Variants in CHST12 observed in about 807,000 individuals in gnomAD.
CHST12 encodes the protein carbohydrate sulfotransferase 12.
A neutral mutation model predicts 27.9 loss-of-function variants in CHST12; 23 were observed. That is an observed-to-expected ratio of 0.82 (90% CI 0.59 to 1.17). The LOEUF is 1.17. Ranked by LOEUF, CHST12 falls within the 50% of genes most tolerant of loss-of-function variation. The pLI is 0.00. For synonymous variants in CHST12, 322 were observed against 273.0 expected, an observed-to-expected ratio of 1.18 and a Z score of -1.77; for missense variants, 682 against 603.0, an observed-to-expected ratio of 1.13 and a Z score of -1.37.
At chr7:2,404,885 G>C (rs1781482845) in intron 1 of CHST12, among the ~76,000 whole-genome samples, 1 of 152,258 alleles carries the variant, frequency 6.6e-6, no homozygotes. Flanking sequence ...AAGATGCTAA[G>C]CTGGGGTAGA....
chr7:2,440,206 C>G lies in CHST12; in HGVS notation c.*6322C>G, dbSNP rs1349506361. 6.5e-6 allele frequency: 1 copy of G among 154,202 alleles called. No individual in the cohort carries two copies. The highest frequency in any genetic ancestry group is 1.5e-5 in the Non-Finnish European group (1 of 68,070). 9.6% of individuals were successfully genotyped at this position (154,202 alleles called of 1,614,324 possible). A position where few individuals can be genotyped will look rare whatever the true frequency, so the allele number is the denominator to read the frequency against. ...GAGAGCATTTGCTCACTGTAATGGT[C>G]CCGTCACACTTGTCTGATGAGGATC... On this transcript the variant is annotated 3_prime_UTR_variant, in exon 2 of 2. Coordinates refer to ENST00000618655, the MANE Select transcript of CHST12 (RefSeq NM_018641.5).
intron 1 of CHST12, among the ~76,000 whole-genome samples, 173 bp downstream of exon 1, chr7:2,403,846 G>T (rs891182817): frequency 1.3e-5 from 2 of 151,860 alleles, no homozygotes; most frequent in African/African-American, 4.8e-5. Flanking sequence ...TCCCGCGCCG[G>T]CGCGCAGTGT....
chr7:2,432,660 C>T lies in CHST12; in HGVS notation c.21C>T (p.Phe7=). 1 of 1,609,526 alleles carries T rather than the reference C, an allele frequency of 6.2e-7. No homozygotes were observed. Among genetic ancestry groups the T allele is most frequent in the Non-Finnish European group, 8.5e-7 (1 of 1,176,466 alleles). The part of the protein sequence containing the change: MTKARL[F]RLWLVLGSVF... ...GCAGGATGACCAAGGCCCGGCTGTTCCGGCTGTGGCTGGTGCTGGGGTCGG... is the reference window on the plus strand; with the variant it reads ...GCAGGATGACCAAGGCCCGGCTGTTTCGGCTGTGGCTGGTGCTGGGGTCGG... Residue 7 remains phenylalanine, a synonymous_variant, in exon 2 of 2, where the codon TTC becomes TTT. Coordinates refer to ENST00000618655, the MANE Select transcript of CHST12 (RefSeq NM_018641.5).
rs1382460715 is a variant in CHST12 at position 2,443,421 on chromosome 7, C to T, written c.*9537C>T. ...AGCCTGAAGTGAAACAGTTTCATCC[C>T]AAAAGCATATACCTCTGCCCCATCC... is the stretch of plus-strand genomic sequence containing the variant. On this transcript the variant is annotated 3_prime_UTR_variant, in exon 2 of 2. Coordinates refer to ENST00000618655, the MANE Select transcript of CHST12 (RefSeq NM_018641.5). The T allele has an allele frequency of 6.6e-6, 1 of 152,120 alleles. No homozygotes were observed. Among genetic ancestry groups the T allele is most frequent in the Admixed American group, 6.6e-5 (1 of 15,262 alleles). The allele number at this position is 152,120 out of a possible 1,614,324, so 9.4% of individuals were successfully genotyped here.
chr7:2,412,261 G>A (rs979263177), intron 1 of CHST12, among the ~76,000 whole-genome samples: 14 of 152,190 alleles, frequency 9.2e-5, no homozygotes, highest in African/African-American at 2.2e-4. Flanking sequence ...TGGAGGTACC[G>A]CGTGAAAATG....
At position 2,419,995 on chromosome 7, in the gene CHST12, A is replaced by T. The variant is rs866778641; in HGVS notation, c.-77-12568A>T. On this transcript the variant is annotated intron_variant, in intron 1 of 1. Coordinates refer to ENST00000618655, the MANE Select transcript of CHST12 (RefSeq NM_018641.5). The stretch of plus-strand genomic sequence containing the variant: ...TTTTTTTTTTTTTTTTTTTTTTGAG[A>T]TGGAGTCTCGCTCTGTTGCCCAGGC... 7.8e-4 allele frequency among the ~76,000 whole-genome samples: 65 copies of T among 83,684 alleles called. 1 individual carries two copies. Among genetic ancestry groups the T allele is most frequent in the African/African-American group, 1.7e-3 (40 of 23,636 alleles). 54.9% of individuals were successfully genotyped at this position (83,684 alleles called of 152,430 possible).
chr7:2,411,757 C>T (rs1043354739), intron 1 of CHST12, among the ~76,000 whole-genome samples: 1 of 152,234 alleles, frequency 6.6e-6, no homozygotes, highest in Admixed American at 6.5e-5. Context: ...GCTGGGATTA[C>T]AGGCGTGAGC....
intron 1 of CHST12, among the ~76,000 whole-genome samples, chr7:2,419,857 A>G (rs1781918493): frequency 6.6e-6 from 1 of 151,830 alleles, no homozygotes; most frequent in South Asian, 2.1e-4. Context: ...TCCCCATTGA[A>G]CACAAACTCC....
At position 2,438,919 on chromosome 7, in the gene CHST12, G is replaced by A. The variant is rs1272372029; in HGVS notation, c.*5035G>A. On this transcript the variant is annotated 3_prime_UTR_variant, in exon 2 of 2. Coordinates refer to ENST00000618655, the MANE Select transcript of CHST12 (RefSeq NM_018641.5). ...CTTAGCTGTGAGCCTCTGGGAAGAG[G>A]TTCTGGCAGGTGGAGGGGATGGACG... 6.6e-6 allele frequency: 1 copy of A among 152,330 alleles called. No homozygotes were observed. Among genetic ancestry groups the A allele is most frequent in the Non-Finnish European group, 1.5e-5 (1 of 68,120 alleles). The allele number at this position is 152,330 out of a possible 1,614,324, so 9.4% of individuals were successfully genotyped here.
intron 1 of CHST12, among the ~76,000 whole-genome samples, chr7:2,409,463 A>G (rs1471475221): frequency 1.3e-5 from 2 of 152,018 alleles, no homozygotes; most frequent in African/African-American, 4.8e-5. Flanking sequence ...GAAAATACAA[A>G]AATTAGCCAG....
chr7:2,432,820 A>C lies in CHST12; in HGVS notation c.181A>C (p.Thr61Pro). The C allele has an allele frequency of 6.2e-7, 1 of 1,613,824 alleles. No homozygotes were observed. Among genetic ancestry groups the C allele is most frequent in the Non-Finnish European group, 8.5e-7 (1 of 1,179,872 alleles). Reference protein sequence around the residue: ...TPGPDRDRELTADSDVDEFLD... With the variant: ...TPGPDRDRELPADSDVDEFLD... ...CGGGCCGGACAGGGACAGGGAGCTCACGGCCGACTCCGATGTCGACGAGTT... is the reference window on the plus strand; with the variant it reads ...CGGGCCGGACAGGGACAGGGAGCTCCCGGCCGACTCCGATGTCGACGAGTT... Residue 61 changes from threonine to proline, a missense_variant, in exon 2 of 2, where the codon ACG (threonine) becomes CCG (proline). Transcript: ENST00000618655.
At chr7:2,432,136 C>T (rs1782285250) in intron 1 of CHST12, among the ~76,000 whole-genome samples, 1 of 36,088 alleles carries the variant, frequency 2.8e-5, no homozygotes, top group African/African-American at 9.3e-5. Flanking sequence ...AGCGAGACTC[C>T]ATATCAAAAA....
At position 2,420,118 on chromosome 7, in the gene CHST12, C is replaced by T. The variant is rs567558061; in HGVS notation, c.-77-12445C>T. Among the ~76,000 whole-genome samples the T allele has an allele frequency of 4.0e-5, 6 of 151,840 alleles. No individual in the cohort carries two copies. The Middle Eastern group carries it at 0.01, about 258-fold the overall frequency. ...CCTCCAGAGTAGCTGAGACTACAGG[C>T]GCCCGTCAGCATGCCCGGCTAATTT... On this transcript the variant is annotated intron_variant, in intron 1 of 1. Transcript: ENST00000618655.
intron 1 of CHST12, among the ~76,000 whole-genome samples, chr7:2,425,203 C>CAAAA (rs144902925): frequency 1.4e-5 from 1 of 72,008 alleles, no homozygotes; most frequent in Non-Finnish European, 3.2e-5. Flanking sequence ...GACTCCGTCT[C>CAAAA]AAAAAAAAAA....
chr7:2,436,120 A>G lies in CHST12; in HGVS notation c.*2236A>G, dbSNP rs1782467161. The stretch of plus-strand genomic sequence containing the variant: ...TGAGCCATCACACCTGGCCCCTCCA[A>G]GTTTTTTATTATGATAAAAATGTTT... On this transcript the variant is annotated 3_prime_UTR_variant, in exon 2 of 2. Coordinates refer to ENST00000618655, the MANE Select transcript of CHST12 (RefSeq NM_018641.5). The G allele has an allele frequency of 6.6e-6, 1 of 152,192 alleles. No homozygotes were observed. The highest frequency in any genetic ancestry group is 6.6e-5 in the Admixed American group (1 of 15,262). The allele number at this position is 152,192 out of a possible 1,614,324, so 9.4% of individuals were successfully genotyped here.
intron 1 of CHST12, among the ~76,000 whole-genome samples, chr7:2,406,118 G>A (rs1446808378): frequency 6.6e-6 from 1 of 152,034 alleles, no homozygotes; most frequent in Admixed American, 6.6e-5. Flanking sequence ...TAAAAAAACC[G>A]TACATCTTGA....
In CHST12 at chr7:2,443,500, C is replaced by A. The variant is rs11772554; in HGVS notation, c.*9616C>A. 19,948 of 152,230 alleles carry A rather than the reference C, an allele frequency of 0.13. 1,520 individuals carry two copies. The highest frequency in any genetic ancestry group is 0.15 in the Non-Finnish European group (10,288 of 68,058). The allele number at this position is 152,230 out of a possible 1,614,324, so 9.4% of individuals were successfully genotyped here. The stretch of plus-strand genomic sequence containing the variant: ...TCCCTGGTGCCAAAAAGGTTGGGGA[C>A]CGCGGCTCTGGAGTATATGCCTAGG... On this transcript the variant is annotated 3_prime_UTR_variant, in exon 2 of 2. Coordinates refer to ENST00000618655, the MANE Select transcript of CHST12 (RefSeq NM_018641.5).
At chr7:2,416,284 C>G (rs1038175637) in intron 1 of CHST12, among the ~76,000 whole-genome samples, 12 of 152,190 alleles carry the variant, frequency 7.9e-5, no homozygotes, top group African/African-American at 4.8e-5. Flanking sequence ...CTTGCTGTTT[C>G]CACCACATCT....
At chr7:2,419,505 G>A (rs1321507826) in intron 1 of CHST12, among the ~76,000 whole-genome samples, 11 of 148,992 alleles carry the variant, frequency 7.4e-5, no homozygotes, top group African/African-American at 2.5e-4. Context: ...TCAGGAGTCC[G>A]AGACCAGCCT....
Sources: allele counts gnomAD v4.1 joint callset (sites outside exome capture counted in the v4.1 genomes callset), GRCh38; gene constraint gnomAD v4.1.1; transcripts MANE v1.5; gene names NCBI Gene and HGNC (gene_info 2026-07-23, HGNC 2026-07-21).